Variants in CNTN1 observed in about 807,000 individuals in gnomAD.
CNTN1 encodes the protein contactin 1.
In CNTN1, 38 loss-of-function variants were observed where a neutral mutation model predicts 126.4. That is an observed-to-expected ratio of 0.30 (90% CI 0.23 to 0.39). CNTN1 has a LOEUF of 0.39. Ranked by LOEUF, CNTN1 falls within the 10% of genes least tolerant of loss-of-function variation. CNTN1 has a pLI of 1.00. For missense variants in CNTN1, 1,009 were observed against 1,248.4 expected (o/e 0.81, Z 2.89); for synonymous variants, 413 against 422.6 (o/e 0.98, Z 0.28).
At chr12:41,057,955 G>A (rs1213740716) in intron 23 of CNTN1, among the ~76,000 whole-genome samples, 3 of 152,038 alleles carry the variant, frequency 2.0e-5, no homozygotes, top group Non-Finnish European at 4.4e-5. Flanking sequence ...CTTTGCAAAT[G>A]ACGGCATTTT....
intron 7 of CNTN1, among the ~76,000 whole-genome samples, chr12:40,930,984 G>T (rs1799187356): frequency 6.6e-6 from 1 of 151,800 alleles, no homozygotes; most frequent in African/African-American, 2.4e-5. Flanking sequence ...AAATATACTT[G>T]CAATTCAGCA....
chr12:40,827,820 A>G (rs1165925270), intron 1 of CNTN1, among the ~76,000 whole-genome samples: 3 of 152,050 alleles, frequency 2.0e-5, no homozygotes, highest in Admixed American at 6.6e-5. Flanking sequence ...TCAATAGCCC[A>G]TTACTGGATA....
chr12:40,867,102 C>A (rs1943321919), intron 1 of CNTN1, among the ~76,000 whole-genome samples: 1 of 152,170 alleles, frequency 6.6e-6, no homozygotes, highest in Non-Finnish European at 1.5e-5. Flanking sequence ...ATTCAAACTT[C>A]TAGTTATCAA....
At chr12:40,943,874 G>C (rs1946345899) in intron 13 of CNTN1, 121 bp from the exon 14 acceptor site, 1 of 1,373,790 alleles carries the variant, frequency 7.3e-7, no homozygotes, top group African/African-American at 1.5e-5. Flanking sequence ...CTTGGAATTT[G>C]GAAGTGAAAA....
chr12:40,918,739 T>C lies in CNTN1; in HGVS notation c.195T>C (p.Cys65=), dbSNP rs1456976833. The change falls in exon 4 of 24, where the codon TGT becomes TGC. Residue 65 remains cysteine, a synonymous_variant. Transcript: ENST00000551295. ...ESLEGKVSLN[C]RARASPFPVY... is the part of the protein sequence containing the mutation. ...TGGAAGGAAAAGTCTCACTCAACTG[T>C]AGGGCACGAGCCAGCCCTTTCCCGG... 1.2e-6 allele frequency: 2 copies of C among 1,613,664 alleles called. No individual in the cohort carries two copies. The highest frequency in any genetic ancestry group is 4.5e-5 in the East Asian group (2 of 44,882).
intron 14 of CNTN1, among the ~76,000 whole-genome samples, chr12:40,949,565 C>CTTTT (rs1253759992): frequency 1.0e-5 from 1 of 97,558 alleles, no homozygotes; most frequent in Non-Finnish European, 2.1e-5. Flanking sequence ...CTTTTCTTTT[C>CTTTT]TTTCTTTTTT....
intron 1 of CNTN1, among the ~76,000 whole-genome samples, chr12:40,698,357 T>TC (rs1421583865): frequency 6.9e-6 from 1 of 145,904 alleles, no homozygotes; most frequent in Admixed American, 7.0e-5. Context: ...TGCCTCAGCC[T>TC]CCCGAGTAGC....
intron 1 of CNTN1, among the ~76,000 whole-genome samples, chr12:40,701,822 T>C (rs1941602417): frequency 6.6e-6 from 1 of 152,182 alleles, no homozygotes; most frequent in South Asian, 2.1e-4. Context: ...ACTGTATTAT[T>C]ACATTCTTTC....
intron 1 of CNTN1, among the ~76,000 whole-genome samples, chr12:40,843,672 C>G (rs999947076): frequency 2.0e-4 from 30 of 152,190 alleles, no homozygotes; most frequent in African/African-American, 7.2e-4. Flanking sequence ...TTGTGACCCA[C>G]TCATACTTAA....
rs1042839171 is a variant in CNTN1, at chr12:40,937,994, T to C, written c.1228+307T>C. Among the ~76,000 whole-genome samples the C allele has an allele frequency of 2.0e-5, 3 of 152,294 alleles. No homozygotes were observed. In the South Asian group the frequency reaches 6.2e-4, roughly 32 times the overall value. On this transcript the variant is annotated intron_variant, in intron 11 of 23. Transcript: ENST00000551295. ...CTACTGAATGGACACTTTAAAAAGA[T>C]ACCCAGATGATTTTAATACAAAGAT... is the stretch of plus-strand genomic sequence containing the variant.
At chr12:40,914,982 T>C (rs1945179202) in intron 3 of CNTN1, among the ~76,000 whole-genome samples, 1 of 152,146 alleles carries the variant, frequency 6.6e-6, no homozygotes, top group Admixed American at 6.5e-5. Context: ...TGACATTCTA[T>C]AATTTTCAAT....
intron 1 of CNTN1, among the ~76,000 whole-genome samples, chr12:40,753,641 T>C (rs1938488340): frequency 6.6e-6 from 1 of 152,088 alleles, no homozygotes. Context: ...GCTCCCATGA[T>C]TCAGTTACCT....
At chr12:40,733,809 A>T (rs959085631) in intron 1 of CNTN1, among the ~76,000 whole-genome samples, 1 of 152,110 alleles carries the variant, frequency 6.6e-6, no homozygotes, top group Non-Finnish European at 1.5e-5. Context: ...ACAGTCTTCA[A>T]TTGATCCTCA....
chr12:40,946,350 G>C (rs1029754288), intron 14 of CNTN1, among the ~76,000 whole-genome samples: 1 of 152,084 alleles, frequency 6.6e-6, no homozygotes, highest in African/African-American at 2.4e-5. Flanking sequence ...GAAAATCTTA[G>C]TGAATATATA....
At chr12:40,765,947 T>C (rs6581944) in intron 1 of CNTN1, among the ~76,000 whole-genome samples, 105,512 of 152,070 alleles carry the variant, frequency 0.69, 37,772 homozygotes, top group East Asian at 0.84. Flanking sequence ...GCAAAAGATA[T>C]ATCCAATGTT....
intron 7 of CNTN1, 113 bp from the exon 8 acceptor site, chr12:40,933,348 C>T (rs1945963178): frequency 1.3e-6 from 1 of 788,284 alleles, no homozygotes; most frequent in African/African-American, 1.7e-5. Flanking sequence ...TGTACCTGTA[C>T]AGAGAAAAGC....
chr12:40,905,237 A>C (rs4768319), intron 1 of CNTN1, among the ~76,000 whole-genome samples: 93,184 of 152,064 alleles, frequency 0.61, 28,880 homozygotes, highest in African/African-American at 0.7. Flanking sequence ...TTACTGAGAT[A>C]TCTTGCTGTA....
chr12:40,929,980 C>T lies in CNTN1; in HGVS notation c.681C>T (p.Ile227=). ...SITKSVFSKF[I]PLIPIPERTT... is the part of the protein sequence containing the mutation. The stretch of plus-strand genomic sequence containing the variant: ...CAAAGAGCGTGTTCAGCAAATTCAT[C>T]CCACTCATTCCAATACCTGAACGTA... The change falls in exon 7 of 24, where the codon ATC becomes ATT. Residue 227 remains isoleucine (I), a synonymous_variant. Transcript: ENST00000551295. 1 of 1,611,292 alleles carries T rather than the reference C, an allele frequency of 6.2e-7. No individual in the cohort carries two copies. The highest frequency in any genetic ancestry group is 1.1e-5 in the South Asian group (1 of 91,022).
At chr12:40,794,896 T>C (rs1940353926) in intron 1 of CNTN1, among the ~76,000 whole-genome samples, 1 of 147,862 alleles carries the variant, frequency 6.8e-6, no homozygotes, top group Non-Finnish European at 1.5e-5. Context: ...TTTTGTTTGA[T>C]AGATATAAAG....
Sources: allele counts gnomAD v4.1 joint callset (sites outside exome capture counted in the v4.1 genomes callset), GRCh38; gene constraint gnomAD v4.1.1; transcripts MANE v1.5; gene names NCBI Gene and HGNC (gene_info 2026-07-23, HGNC 2026-07-21).